Variants in CDH1 observed in about 807,000 individuals in gnomAD.
The protein encoded by CDH1 is cadherin 1, also known as cadherin-1.
In CDH1, 35 loss-of-function variants were observed where a neutral mutation model predicts 84.5. That is an observed-to-expected ratio of 0.41 (90% CI 0.32 to 0.55). The LOEUF is 0.55. Among genes scored for constraint, CDH1 ranks in the 20% least tolerant of loss-of-function variants. The pLI is 0.19. For synonymous variants in CDH1, 417 were observed against 439.0 expected, an observed-to-expected ratio of 0.95 and a Z score of 0.63; for missense variants, 994 against 1,126.6, an observed-to-expected ratio of 0.88 and a Z score of 1.68.
At chr16:68,812,647 G>A (rs1046580877) in intron 8 of CDH1, among the ~76,000 whole-genome samples, 3 of 152,204 alleles carry the variant, frequency 2.0e-5, no homozygotes, top group African/African-American at 7.2e-5. Flanking sequence ...TGGTGTTTCT[G>A]GTATAGCCAG....
chr16:68,825,744 T>G (rs1961303330), intron 13 of CDH1, among the ~76,000 whole-genome samples: 1 of 150,732 alleles, frequency 6.6e-6, no homozygotes, highest in Non-Finnish European at 1.5e-5. Flanking sequence ...TACATTTCAG[T>G]GGCCTGGTCT....
chr16:68,801,617 C>G, intron 2 of CDH1, 53 bp from the exon 3 acceptor site: 1 of 1,453,076 alleles, frequency 6.9e-7, no homozygotes, highest in Non-Finnish European at 9.7e-7. Context: ...AGAAGGAATG[C>G]TCTTGTCTTT....
At chr16:68,787,002 C>T (rs968338802) in intron 2 of CDH1, among the ~76,000 whole-genome samples, 6 of 152,188 alleles carry the variant, frequency 3.9e-5, no homozygotes, top group African/African-American at 1.4e-4. Flanking sequence ...AGATCTTGTT[C>T]TTGAGTTATT....
intron 14 of CDH1, 48 bp from the exon 15 acceptor site, chr16:68,829,606 C>CT: frequency 6.3e-7 from 1 of 1,591,938 alleles, no homozygotes; most frequent in Non-Finnish European, 8.6e-7. Flanking sequence ...GTGTGTATGA[C>CT]TATTTCTTTC....
At chr16:68,819,459 G>C (rs373019704) in intron 11 of CDH1, 34 bp downstream of exon 11, 2 of 1,608,590 alleles carry the variant, frequency 1.2e-6, no homozygotes, top group Admixed American at 3.3e-5. Context: ...TTGCTGCCTC[G>C]ACCTCCTAGC....
At chr16:68,772,790 A>G (rs1161601097) in intron 2 of CDH1, among the ~76,000 whole-genome samples, 1 of 152,024 alleles carries the variant, frequency 6.6e-6, no homozygotes, top group Non-Finnish European at 1.5e-5. Context: ...CAAAAAGTAC[A>G]AAAAAATTAC....
chr16:68,830,053 C>A (rs1217732351), intron 15 of CDH1, among the ~76,000 whole-genome samples: 1 of 150,104 alleles, frequency 6.7e-6, no homozygotes, highest in Non-Finnish European at 1.5e-5. Flanking sequence ...TGCCCGGGTT[C>A]AAGCGATTCT....
intron 2 of CDH1, among the ~76,000 whole-genome samples, chr16:68,746,896 C>T (rs147137168): frequency 3.2e-4 from 48 of 152,224 alleles, no homozygotes; most frequent in Middle Eastern, 3.4e-3. Context: ...TTGCAATGAG[C>T]GGAGATTGTG....
rs1255194930 is a variant in CDH1 at position 68,833,531 on chromosome 16, G to A, written c.*32G>A. 10 of 1,562,442 alleles carry A rather than the reference G, an allele frequency of 6.4e-6. No individual in the cohort carries two copies. The highest frequency in any genetic ancestry group is 4.5e-5 in the East Asian group (2 of 44,690). ...CGAGAGAGGCGGGCCCCAGACCCATGTGCTGGGAAATGCAGAAATCACGTT... is the reference window on the plus strand; with the variant it reads ...CGAGAGAGGCGGGCCCCAGACCCATATGCTGGGAAATGCAGAAATCACGTT... On this transcript the variant is annotated 3_prime_UTR_variant, in exon 16 of 16. Transcript: ENST00000261769.
chr16:68,773,415 G>T (rs1385029460), intron 2 of CDH1, among the ~76,000 whole-genome samples: 1 of 151,362 alleles, frequency 6.6e-6, no homozygotes, highest in Non-Finnish European at 1.5e-5. Flanking sequence ...TCCTGCCTCA[G>T]CCTCCCCAGT....
intron 2 of CDH1, among the ~76,000 whole-genome samples, chr16:68,779,435 G>A (rs1166114149): frequency 6.6e-6 from 1 of 152,204 alleles, no homozygotes; most frequent in East Asian, 1.9e-4. Flanking sequence ...ACGTGGCCTT[G>A]GGCAAATCCC....
At chr16:68,737,762 G>T (rs1335130553) in intron 1 of CDH1, among the ~76,000 whole-genome samples, 1 of 152,148 alleles carries the variant, frequency 6.6e-6, no homozygotes, top group Non-Finnish European at 1.5e-5. Context: ...CGTGAAGCGG[G>T]GTGTAGGGGG....
At chr16:68,833,235 A>T (rs2152143750) in intron 15 of CDH1, 55 bp from the exon 16 acceptor site, 2 of 1,493,544 alleles carry the variant, frequency 1.3e-6, no homozygotes, top group Non-Finnish European at 1.9e-6. Flanking sequence ...CTTGCCCCAG[A>T]TGACAGGTGT....
At chr16:68,758,182 G>T (rs1963067520) in intron 2 of CDH1, among the ~76,000 whole-genome samples, 3 of 118,244 alleles carry the variant, frequency 2.5e-5, no homozygotes, top group South Asian at 5.7e-4. Context: ...ACCCCATTTT[G>T]CCTAGGGTAG....
intron 14 of CDH1, among the ~76,000 whole-genome samples, chr16:68,828,792 T>C (rs34927405): frequency 7.5e-4 from 114 of 152,318 alleles, no homozygotes; most frequent in African/African-American, 2.7e-3. Flanking sequence ...CATCTTACCC[T>C]GGAGTTGTCC....
chr16:68,831,210 C>G (rs149675605), intron 15 of CDH1, among the ~76,000 whole-genome samples: 94 of 149,258 alleles, frequency 6.3e-4, no homozygotes, highest in Middle Eastern at 7.0e-3. Flanking sequence ...TCCCGAGTAG[C>G]TGTGCCTACA....
chr16:68,738,556 G>T, intron 2 of CDH1, 145 bp downstream of exon 2: 1 of 606,472 alleles, frequency 1.6e-6, no homozygotes, highest in Non-Finnish European at 2.9e-6. Flanking sequence ...CGCAGATTTG[G>T]GGATCCAAAC....
intron 2 of CDH1, among the ~76,000 whole-genome samples, chr16:68,781,322 C>T (rs1182116440): frequency 2.0e-5 from 3 of 152,130 alleles, no homozygotes; most frequent in Non-Finnish European, 4.4e-5. Flanking sequence ...TCATTTTAAC[C>T]CCTCAGTATG....
intron 2 of CDH1, among the ~76,000 whole-genome samples, chr16:68,748,259 T>G (rs1962800913): frequency 6.6e-6 from 1 of 151,846 alleles, no homozygotes; most frequent in Non-Finnish European, 1.5e-5. Context: ...ATTACAGGCA[T>G]GCTACACCAC....
Sources: gnomAD v4.1 joint callset for allele counts (sites outside exome capture counted in the v4.1 genomes callset) on GRCh38, gnomAD v4.1.1 for gene constraint, MANE v1.5 for transcripts, NCBI Gene and HGNC (gene_info 2026-07-23, HGNC 2026-07-21) for gene names.